Variants in FAM219A observed in about 807,000 individuals in gnomAD.
FAM219A encodes the protein family with sequence similarity 219 member A, also known as protein FAM219A.
A neutral mutation model predicts 23.4 loss-of-function variants in FAM219A; 7 were observed. The ratio of observed to expected loss-of-function variants is 0.30; its 90% CI spans 0.17 to 0.56. The LOEUF (loss-of-function observed/expected upper bound fraction) is 0.56. Ranked by LOEUF, FAM219A falls within the 20% of genes least tolerant of loss-of-function variation. FAM219A has a pLI of 0.92. For missense variants in FAM219A, 166 were observed against 246.9 expected (o/e 0.67, Z 2.20); for synonymous variants, 93 against 99.0 (o/e 0.94, Z 0.36).
chr9:34,458,358 C>T lies in FAM219A; in HGVS notation c.-95G>A. 2.2e-6 allele frequency: 2 copies of T among 891,552 alleles called. No individual in the cohort carries two copies. Among genetic ancestry groups the T allele is most frequent in the Non-Finnish European group, 2.9e-6 (2 of 692,960 alleles). The allele number at this position is 891,552 out of a possible 1,614,324, so 55.2% of individuals were successfully genotyped here. A position where few individuals can be genotyped will look rare whatever the true frequency, so the allele number is the denominator to read the frequency against. On this transcript the variant is annotated 5_prime_UTR_variant, in exon 1 of 6. Transcript: ENST00000651358. This position sits in a 1 kb window ranked among gnomAD's most constrained non-coding sequence, Gnocchi z 6.6. ...GGCCCCAGGAGCCCGGCGGGTGGTGCAGACTAGGCCTCCCCGGACCACTCG... is the reference window on the plus strand; with the variant it reads ...GGCCCCAGGAGCCCGGCGGGTGGTGTAGACTAGGCCTCCCCGGACCACTCG...
chr9:34,406,482 A>G (rs1051215219), intron 1 of FAM219A: 4 of 985,324 alleles, frequency 4.1e-6, no homozygotes, highest in Admixed American at 6.1e-5. Context: ...ACCAGCCTTC[A>G]AGGCTACAGC....
At chr9:34,448,335 T>C (rs1397324893) in intron 1 of FAM219A, among the ~76,000 whole-genome samples, 1 of 152,226 alleles carries the variant, frequency 6.6e-6, no homozygotes, top group Non-Finnish European at 1.5e-5. Context: ...ATACTAGAAC[T>C]GTTGTTCCCC....
intron 1 of FAM219A, among the ~76,000 whole-genome samples, chr9:34,413,559 A>G (rs1821900043): frequency 2.0e-5 from 3 of 152,244 alleles, no homozygotes; most frequent in Admixed American, 2.0e-4. Flanking sequence ...ATTCTTAGGA[A>G]GATGAAAATG....
At chr9:34,412,199 T>A (rs1052140880) in intron 1 of FAM219A, among the ~76,000 whole-genome samples, 2 of 152,098 alleles carry the variant, frequency 1.3e-5, no homozygotes, top group Admixed American at 6.5e-5. Flanking sequence ...ATTAGGAAAC[T>A]ACTGCAACAA....
At chr9:34,406,327 C>T in intron 1 of FAM219A, 2 of 985,352 alleles carry the variant, frequency 2.0e-6, no homozygotes, top group Non-Finnish European at 2.4e-6. Context: ...TGTGTACTTG[C>T]TTGGCAAGGT....
rs780327675 is a variant in FAM219A at position 34,401,730 on chromosome 9, G to C, written c.345-10C>G. ...GTCAAAGTCATCATCGCTGGCCATGGAGGAAAGAGAGGGAAAGTGATACCA... is the reference window on the plus strand; with the variant it reads ...GTCAAAGTCATCATCGCTGGCCATGCAGGAAAGAGAGGGAAAGTGATACCA... On this transcript the variant is annotated splice_polypyrimidine_tract_variant and intron_variant, in intron 4 of 5. Coordinates refer to ENST00000651358, the MANE Select transcript of FAM219A (RefSeq NM_001184940.2). The C allele has an allele frequency of 6.2e-7, 1 of 1,605,490 alleles. No homozygotes were observed. The highest frequency in any genetic ancestry group is 8.5e-7 in the Non-Finnish European group (1 of 1,177,030).
chr9:34,418,921 A>C (rs1473850698), intron 1 of FAM219A, among the ~76,000 whole-genome samples: 1 of 151,988 alleles, frequency 6.6e-6, no homozygotes, highest in Non-Finnish European at 1.5e-5. Context: ...AACACACACA[A>C]AAAATTAGCC....
chr9:34,418,772 T>C (rs992302185), intron 1 of FAM219A, among the ~76,000 whole-genome samples: 5 of 152,176 alleles, frequency 3.3e-5, no homozygotes, highest in African/African-American at 1.2e-4. Context: ...AAAATAGATC[T>C]ACAATGGTTA....
At chr9:34,402,092 A>C (rs1220973450) in intron 4 of FAM219A, among the ~76,000 whole-genome samples, 6 of 151,682 alleles carry the variant, frequency 4.0e-5, no homozygotes, top group African/African-American at 1.5e-4. Flanking sequence ...GGCATTAAGC[A>C]TCATATTCTG....
At chr9:34,416,794 A>G (rs985538307) in intron 1 of FAM219A, among the ~76,000 whole-genome samples, 3 of 145,612 alleles carry the variant, frequency 2.1e-5, no homozygotes, top group East Asian at 2.0e-4. Context: ...GTATCAGAAC[A>G]TAATCAGCTC....
At chr9:34,449,435 ATAT>A (rs1451166768) in intron 1 of FAM219A, among the ~76,000 whole-genome samples, 1 of 152,278 alleles carries the variant, frequency 6.6e-6, no homozygotes, top group Non-Finnish European at 1.5e-5. Flanking sequence ...TCCCTTAGAA[ATAT>A]TATGAGAAAA....
intron 1 of FAM219A, among the ~76,000 whole-genome samples, chr9:34,440,192 C>T (rs922924019): frequency 1.4e-4 from 21 of 152,166 alleles, no homozygotes; most frequent in Non-Finnish European, 8.8e-5. Context: ...CACAGCTGGT[C>T]CCTAGCTAGC....
chr9:34,431,433 C>T (rs1039246601), intron 1 of FAM219A, among the ~76,000 whole-genome samples: 18 of 152,218 alleles, frequency 1.2e-4, no homozygotes, highest in African/African-American at 4.3e-4. Context: ...CACTGCAGAG[C>T]CTGTATTGCT....
At chr9:34,439,226 A>C (rs868426548) in intron 1 of FAM219A, among the ~76,000 whole-genome samples, 2 of 152,236 alleles carry the variant, frequency 1.3e-5, no homozygotes, top group African/African-American at 4.8e-5. Context: ...TTTATTCTTG[A>C]AGTCAGTGAG....
chr9:34,450,146 T>C (rs1823509405), intron 1 of FAM219A, among the ~76,000 whole-genome samples: 2 of 151,920 alleles, frequency 1.3e-5, no homozygotes, highest in African/African-American at 4.8e-5. Flanking sequence ...ACCCCTTCTC[T>C]ACAAAAAATA....
chr9:34,402,765 C>T lies in FAM219A; in HGVS notation c.203G>A (p.Gly68Asp). 1 of 1,614,188 alleles carries T rather than the reference C, an allele frequency of 6.2e-7. No homozygotes were observed. Among genetic ancestry groups the T allele is most frequent in the South Asian group, 1.1e-5 (1 of 91,088 alleles). ...CTGGTTGACAGGGCTACCCATGCTG[C>T]CATTCTTCAGGGAGCCCTTCCGGGC... Reference protein sequence around the residue: ...ELARKGSLKNGSMGSPVNQQP... With the variant: ...ELARKGSLKNDSMGSPVNQQP... The change falls in exon 3 of 6, where the codon GGC (glycine) becomes GAC (aspartate). Residue 68 changes from glycine to aspartate, a missense_variant. Transcript: ENST00000651358.
intron 4 of FAM219A, chr9:34,402,175 A>G (rs10738926): frequency 1 from 1,491,492 of 1,492,264 alleles, 745,368 homozygotes; most frequent in Middle Eastern, 1. Flanking sequence ...ACAGCAGACA[A>G]CGCAGGCCCC....
At chr9:34,421,194 G>C (rs1275979649) in intron 1 of FAM219A, among the ~76,000 whole-genome samples, 1 of 151,962 alleles carries the variant, frequency 6.6e-6, no homozygotes, top group Admixed American at 6.6e-5. Context: ...AGGTCAGAGA[G>C]GGGAAGGGGA....
chr9:34,435,578 T>G (rs1007980950), intron 1 of FAM219A, among the ~76,000 whole-genome samples: 1 of 152,242 alleles, frequency 6.6e-6, no homozygotes, highest in Admixed American at 6.5e-5. Flanking sequence ...TGTAATCATA[T>G]ATACCAATTT....
Sources: allele counts gnomAD v4.1 joint callset (sites outside exome capture counted in the v4.1 genomes callset), GRCh38; gene constraint gnomAD v4.1.1; non-coding constraint Gnocchi (gnomAD v3.1); transcripts MANE v1.5; gene names NCBI Gene and HGNC (gene_info 2026-07-23, HGNC 2026-07-21).